ANKK1: variants seen among roughly 807,000 people sequenced by gnomAD.
ANKK1 encodes the protein ankyrin repeat and protein kinase domain-containing protein 1.
A neutral mutation model predicts 37.6 loss-of-function variants in ANKK1; 37 were observed. The ratio of observed to expected loss-of-function variants is 0.98; its 90% confidence interval spans 0.76 to 1.29. ANKK1 has a LOEUF of 1.29. Among genes scored for constraint, ANKK1 ranks in the 50% most tolerant of loss-of-function variants. The pLI is 0.00. For synonymous variants in ANKK1, 415 were observed against 418.7 expected, an observed-to-expected ratio of 0.99 and a Z score of 0.11; for missense variants, 1,019 against 990.6, an observed-to-expected ratio of 1.03 and a Z score of -0.39.
chr11:113,388,209 A>G (rs1359542696), intron 1 of ANKK1, 140 bp downstream of exon 1: 1 of 1,169,976 alleles, frequency 8.5e-7, no homozygotes, highest in African/African-American at 1.6e-5. Context: ...AATTCCACCC[A>G]GTAGCCTGAG....
Position 113,399,371 on chromosome 11 carries a change from G to A in ANKK1, c.1402G>A (p.Ala468Thr). The A allele has an allele frequency of 6.2e-7, 1 of 1,601,136 alleles. No homozygotes were observed. Among genetic ancestry groups the A allele is most frequent in the South Asian group, 1.1e-5 (1 of 88,324 alleles). The change falls in exon 8 of 8, where the codon GCT becomes ACT. Residue 468 changes from alanine (A) to threonine (T), a missense_variant. By Grantham distance (58) the Ala-to-Thr change is moderately conservative (BLOSUM62 0). Transcript: ENST00000303941. ...TGAAGGGTGGACCCCTCTTCACCTG[G>A]CTGCACAGAATAACTTTGAGAATGT... ...EREGWTPLHLAAQNNFENVAR... is the reference protein window; with the variant it reads ...EREGWTPLHLTAQNNFENVAR...
rs752543600 is a variant in ANKK1 at position 113,394,968 on chromosome 11, AC to A, written c.523del (p.Arg175GlyfsTer57). 3.1e-6 allele frequency: 5 copies of A among 1,613,460 alleles called. No individual in the cohort carries two copies. In the South Asian group the frequency reaches 5.5e-5, roughly 18 times the overall value. ...FGLSKWMEQS[T>X]RMQYIERSAL... ...CCTGTCCAAGTGGATGGAACAGTCC[AC>A]CCGGATGCAGTACATCGAGAGGTCG... On this transcript the variant is annotated frameshift_variant, in exon 3 of 8. Transcript: ENST00000303941. LOFTEE classifies it high-confidence loss of function.
chr11:113,399,322 G>A lies in ANKK1; in HGVS notation c.1353G>A (p.Gly451=). ...CTGCGCGCCTGCTCCTGGACCACGG[G>A]GCCTGTGTGGATGCCCAGGAACGTG... The part of the protein sequence containing the change: ...DGTARLLLDH[G]ACVDAQEREG... Residue 451 remains glycine, a synonymous_variant, in exon 8 of 8, where the codon GGG becomes GGA. Coordinates refer to ENST00000303941, the MANE Select transcript of ANKK1 (RefSeq NM_178510.2). The A allele has an allele frequency of 6.2e-7, 1 of 1,600,380 alleles. No individual in the cohort carries two copies. The highest frequency in any genetic ancestry group is 8.5e-7 in the Non-Finnish European group (1 of 1,173,854).
chr11:113,397,309 G>A lies in ANKK1; in HGVS notation c.924G>A (p.Val308=). ...VPESKALARK[V]SCKLSLRQPG... ...AGAGCAAGGCCCTGGCCAGGAAGGTGTCCTGCAAGCTGTCGCTGCGCCAGC... is the reference window on the plus strand; with the variant it reads ...AGAGCAAGGCCCTGGCCAGGAAGGTATCCTGCAAGCTGTCGCTGCGCCAGC... Residue 308 remains valine, a synonymous_variant, in exon 6 of 8, where the codon GTG becomes GTA. Coordinates refer to ENST00000303941, the MANE Select transcript of ANKK1 (RefSeq NM_178510.2). 1 of 1,612,658 alleles carries A rather than the reference G, an allele frequency of 6.2e-7. No homozygotes were observed. The highest frequency in any genetic ancestry group is 8.5e-7 in the Non-Finnish European group (1 of 1,179,794).
chr11:113,399,487 T>C lies in ANKK1; in HGVS notation c.1518T>C (p.His506=), dbSNP rs1324689779. 1 of 1,592,130 alleles carries C rather than the reference T, an allele frequency of 6.3e-7. No homozygotes were observed. The highest frequency in any genetic ancestry group is 8.5e-7 in the Non-Finnish European group (1 of 1,169,848). ...TCCATGTGGCCGCCTACTTTGGCCATGTTAGCCTGGTCAAGCTGCTGACCA... is the reference window on the plus strand; with the variant it reads ...TCCATGTGGCCGCCTACTTTGGCCACGTTAGCCTGGTCAAGCTGCTGACCA... ...TPLHVAAYFG[H]VSLVKLLTSQ... Residue 506 remains histidine, a synonymous_variant, in exon 8 of 8, where the codon CAT becomes CAC. Transcript: ENST00000303941.
In ANKK1 at chr11:113,400,185, G is replaced by A. The variant is rs1175919194; in HGVS notation, c.2216G>A (p.Gly739Asp). The A allele has an allele frequency of 3.9e-5, 61 of 1,569,668 alleles. No homozygotes were observed. The highest frequency in any genetic ancestry group is 5.0e-5 in the Non-Finnish European group (58 of 1,158,302). Residue 739 changes from glycine to aspartate, a missense_variant, in exon 8 of 8, where the codon GGC becomes GAC. Coordinates refer to ENST00000303941, the MANE Select transcript of ANKK1 (RefSeq NM_178510.2). ...CTGGCCCTCCGCAGCCGAAAGCAGG[G>A]CATCATGTCCTTCCTAGAGGGCAAG... Reference protein sequence around the residue: ...LQLALRSRKQGIMSFLEGKEP... With the variant: ...LQLALRSRKQDIMSFLEGKEP...
rs1342139378 is a variant in ANKK1 at position 113,399,511 on chromosome 11, C to A, written c.1542C>A (p.Thr514=). ...ATGTTAGCCTGGTCAAGCTGCTGACCAGCCAGGGGGCTGAGTTGGATGCTC... is the reference window on the plus strand; with the variant it reads ...ATGTTAGCCTGGTCAAGCTGCTGACAAGCCAGGGGGCTGAGTTGGATGCTC... The part of the protein sequence containing the change: ...FGHVSLVKLL[T]SQGAELDAQQ... The change falls in exon 8 of 8, where the codon ACC becomes ACA. Residue 514 remains threonine (T), a synonymous_variant. Transcript: ENST00000303941. 1 of 1,594,312 alleles carries A rather than the reference C, an allele frequency of 6.3e-7. No individual in the cohort carries two copies. The highest frequency in any genetic ancestry group is 1.7e-5 in the Admixed American group (1 of 57,228).
At position 113,397,809 on chromosome 11, in the gene ANKK1, C is replaced by T. The variant is rs373974422; in HGVS notation, c.958-171C>T. ...AGGGTTTCTCCAGCTCAGTGTTTTC[C>T]TCTAGACAGCTGGGGATAGTCATGG... On this transcript the variant is annotated intron_variant, in intron 6 of 7. Coordinates refer to ENST00000303941, the MANE Select transcript of ANKK1 (RefSeq NM_178510.2). Among the ~76,000 whole-genome samples the T allele has an allele frequency of 7.2e-5, 11 of 152,318 alleles. 1 individual carries two copies. In the South Asian group the frequency reaches 2.3e-3, roughly 32 times the overall value.
Position 113,399,247 on chromosome 11 carries a change from G to T in ANKK1, c.1278G>T (p.Glu426Asp). The T allele has an allele frequency of 6.2e-7, 1 of 1,607,822 alleles. No homozygotes were observed. The highest frequency in any genetic ancestry group is 8.5e-7 in the Non-Finnish European group (1 of 1,177,432). ...AHGADANRVDEDGWAPLHFAA... is the reference protein window; with the variant it reads ...AHGADANRVDDDGWAPLHFAA... ...GTGCTGATGCCAACCGAGTGGATGA[G>T]GATGGCTGGGCCCCACTGCACTTTG... The change falls in exon 8 of 8, where the codon GAG (glutamate) becomes GAT (aspartate). Residue 426 changes from glutamate to aspartate, a missense_variant. By Grantham distance (45) the Glu-to-Asp change is conservative (BLOSUM62 2). Coordinates refer to ENST00000303941, the MANE Select transcript of ANKK1 (RefSeq NM_178510.2).
At chr11:113,388,132 C>T (rs1950560912) in intron 1 of ANKK1, 63 bp downstream of exon 1, 2 of 1,426,998 alleles carry the variant, frequency 1.4e-6, no homozygotes, top group South Asian at 1.5e-5. Context: ...AGCTTTGGGC[C>T]CAGGGAGCTT....
intron 2 of ANKK1, 164 bp from the exon 3 acceptor site, chr11:113,394,765 G>T: frequency 1.0e-6 from 1 of 954,934 alleles, no homozygotes; most frequent in South Asian, 1.4e-5. Flanking sequence ...AAGTAATTTG[G>T]CCAAGACCAT....
At chr11:113,391,575 G>A (rs1591258629) in intron 1 of ANKK1, among the ~76,000 whole-genome samples, 2 of 152,250 alleles carry the variant, frequency 1.3e-5, no homozygotes, top group South Asian at 2.1e-4. Context: ...AGACTTGGCT[G>A]TGGGAAGTGA....
chr11:113,397,067 T>A, intron 5 of ANKK1, among the ~76,000 whole-genome samples, 157 bp from the exon 6 acceptor site: 1 of 152,230 alleles, frequency 6.6e-6, no homozygotes, highest in East Asian at 1.9e-4. Flanking sequence ...TGCCCCACCA[T>A]GACCCAGGTT....
At position 113,399,560 on chromosome 11, in the gene ANKK1, C is replaced by T. The variant is rs1219859074; in HGVS notation, c.1591C>T (p.Leu531=). Residue 531 remains leucine (L), a synonymous_variant, in exon 8 of 8, where the codon CTG becomes TTG. Coordinates refer to ENST00000303941, the MANE Select transcript of ANKK1 (RefSeq NM_178510.2). ...TCAGCAGAGAAACCTGAGAACACCACTGCACCTGGCAGTAGAGCGGGGCAA... is the reference window on the plus strand; with the variant it reads ...TCAGCAGAGAAACCTGAGAACACCATTGCACCTGGCAGTAGAGCGGGGCAA... ...DAQQRNLRTP[L]HLAVERGKVR... is the part of the protein sequence containing the mutation. The T allele has an allele frequency of 6.2e-7, 1 of 1,602,854 alleles. No individual in the cohort carries two copies. The highest frequency in any genetic ancestry group is 1.7e-5 in the Admixed American group (1 of 58,664).
intron 1 of ANKK1, among the ~76,000 whole-genome samples, chr11:113,393,034 C>T (rs528493392): frequency 6.6e-6 from 1 of 152,252 alleles, no homozygotes; most frequent in East Asian, 1.9e-4. Flanking sequence ...TTTTATATAG[C>T]TCTCTATATT....
chr11:113,388,542 G>A (rs1950564583), intron 1 of ANKK1, among the ~76,000 whole-genome samples: 3 of 152,166 alleles, frequency 2.0e-5, no homozygotes, highest in Admixed American at 2.0e-4. Context: ...CTCTTCCCAC[G>A]GTGGCGGGAG....
chr11:113,399,076 G>T lies in ANKK1; in HGVS notation c.1107G>T (p.Leu369=). ...YENKVTPLHF[L]VAQGSVEQVR... ...ACAAGGTCACCCCCCTCCACTTCCT[G>T]GTGGCCCAGGGCAGTGTGGAGCAGG... Residue 369 remains leucine, a synonymous_variant, in exon 8 of 8, where the codon CTG becomes CTT. Transcript: ENST00000303941. The T allele has an allele frequency of 1.3e-6, 2 of 1,599,796 alleles. No individual in the cohort carries two copies. The highest frequency in any genetic ancestry group is 4.5e-5 in the East Asian group (2 of 44,190).
chr11:113,399,235 C>G lies in ANKK1; in HGVS notation c.1266C>G (p.Asn422Lys), dbSNP rs764568661. ...ALLLAHGADANRVDEDGWAPL... is the reference protein window; with the variant it reads ...ALLLAHGADAKRVDEDGWAPL... ...TTTTGGCACATGGTGCTGATGCCAA[C>G]CGAGTGGATGAGGATGGCTGGGCCC... The change falls in exon 8 of 8, where the codon AAC (asparagine) becomes AAG (lysine). Residue 422 changes from asparagine to lysine, a missense_variant. Transcript: ENST00000303941. The G allele has an allele frequency of 1.1e-5, 18 of 1,607,582 alleles. No homozygotes were observed. In the African/African-American group the frequency reaches 2.4e-4, roughly 21 times the overall value.
rs1219669627 is a variant in ANKK1 at position 113,400,287 on chromosome 11, T to G, written c.*20T>G. ...ATTTAGACAACTTGGCCAGCCGTGG[T>G]GGCTCACGTCTGTAATCCCAGCACT... On this transcript the variant is annotated 3_prime_UTR_variant, in exon 8 of 8. Transcript: ENST00000303941. 4 of 1,522,562 alleles carry G rather than the reference T, an allele frequency of 2.6e-6. No individual in the cohort carries two copies. In the Admixed American group the frequency reaches 6.0e-5, roughly 23 times the overall value. 94.3% of individuals were successfully genotyped at this position (1,522,562 alleles called of 1,614,324 possible).
Sources: allele counts gnomAD v4.1 joint callset (sites outside exome capture counted in the v4.1 genomes callset), GRCh38; gene constraint gnomAD v4.1.1; transcripts MANE v1.5; gene names NCBI Gene and HGNC (gene_info 2026-07-23, HGNC 2026-07-21).